Variants in CHRM3 observed in about 807,000 individuals in gnomAD.
CHRM3 encodes cholinergic receptor muscarinic 3.
CHRM3 carries 11 observed loss-of-function variants against 41.8 expected under a neutral mutation model. The ratio of observed to expected loss-of-function variants is 0.26; its 90% CI spans 0.17 to 0.44. CHRM3 has a LOEUF of 0.44. Ranked by LOEUF, CHRM3 falls within the 20% of genes least tolerant of loss-of-function variation. The pLI is 1.00. For missense variants in CHRM3, 571 were observed against 745.4 expected, an observed-to-expected ratio of 0.77 and a Z score of 2.72; for synonymous variants, 297 against 301.4, an observed-to-expected ratio of 0.99 and a Z score of 0.15.
intron 5 of CHRM3, among the ~76,000 whole-genome samples, chr1:239,713,393 T>G (rs1662010185): frequency 6.6e-6 from 1 of 152,166 alleles, no homozygotes; most frequent in Admixed American, 6.5e-5. Flanking sequence ...ATCACAATTG[T>G]GCCTGGCCCA....
intron 3 of CHRM3, among the ~76,000 whole-genome samples, chr1:239,597,858 G>GTT (rs35067421): frequency 0.011 from 1,373 of 120,852 alleles, 39 homozygotes; most frequent in African/African-American, 0.035. Flanking sequence ...AACTGTCAGA[G>GTT]TTTTTTTTTT....
At chr1:239,740,672 ATG>A (rs1664768229) in intron 5 of CHRM3, among the ~76,000 whole-genome samples, 1 of 152,010 alleles carries the variant, frequency 6.6e-6, no homozygotes, top group Non-Finnish European at 1.5e-5. Context: ...CCCTGTGTCC[ATG>A]TGTTCAAAGA....
chr1:239,790,446 G>A (rs999611835), intron 5 of CHRM3, among the ~76,000 whole-genome samples: 4 of 152,162 alleles, frequency 2.6e-5, no homozygotes, highest in Non-Finnish European at 4.4e-5. Context: ...CATGAGATCT[G>A]ATGGTTTTAT....
chr1:239,720,315 C>T (rs1479873712), intron 5 of CHRM3: 1 of 151,804 alleles, frequency 6.6e-6, no homozygotes. Flanking sequence ...AGTTTCTTTG[C>T]ATATATTGTT....
At chr1:239,687,654 C>T (rs1348727221) in intron 5 of CHRM3, among the ~76,000 whole-genome samples, 2 of 152,094 alleles carry the variant, frequency 1.3e-5, no homozygotes, top group African/African-American at 2.4e-5. Context: ...CACATAGCCA[C>T]GTGCTGCATA....
At chr1:239,473,004 G>T (rs1666229700) in intron 1 of CHRM3, among the ~76,000 whole-genome samples, 1 of 152,050 alleles carries the variant, frequency 6.6e-6, no homozygotes. Context: ...AAGAAATCTT[G>T]ATGTGTGACA....
intron 6 of CHRM3, among the ~76,000 whole-genome samples, chr1:239,882,678 A>T (rs599855): frequency 0.53 from 79,912 of 152,080 alleles, 21,790 homozygotes; most frequent in East Asian, 0.64. Flanking sequence ...CTATACTAAA[A>T]TTGAAGGAAA....
At position 239,612,873 on chromosome 1, in the gene CHRM3, G is replaced by A. The variant is rs534953638; in HGVS notation, c.-312-19351G>A. On this transcript the variant is annotated intron_variant, in intron 3 of 6. Transcript: ENST00000676153. ...ACTACCACTGCTGGTTTGCTAATGG[G>A]GCCATCTTGAGGAAGCTCCTTAAAT... Among the ~76,000 whole-genome samples the A allele has an allele frequency of 7.2e-5, 11 of 152,140 alleles. No individual in the cohort carries two copies. The South Asian group carries it at 2.1e-3, about 29-fold the overall frequency.
At chr1:239,848,137 G>A (rs1674422157) in intron 6 of CHRM3, among the ~76,000 whole-genome samples, 1 of 152,000 alleles carries the variant, frequency 6.6e-6, no homozygotes, top group Non-Finnish European at 1.5e-5. Flanking sequence ...TTCATCCATG[G>A]CTAAGGAGAC....
intron 3 of CHRM3, among the ~76,000 whole-genome samples, chr1:239,605,813 AG>A (rs1666174046): frequency 6.6e-6 from 1 of 152,346 alleles, no homozygotes; most frequent in South Asian, 2.1e-4. Flanking sequence ...GTGGTAATGA[AG>A]GTTTTTCATT....
intron 5 of CHRM3, among the ~76,000 whole-genome samples, chr1:239,710,775 G>A (rs1009794506): frequency 1.3e-5 from 2 of 150,838 alleles, no homozygotes; most frequent in Non-Finnish European, 3.0e-5. Flanking sequence ...TAGGCTTTAA[G>A]GCCTTAATAA....
chr1:239,742,387 A>T (rs1315059396), intron 5 of CHRM3, among the ~76,000 whole-genome samples: 1 of 152,162 alleles, frequency 6.6e-6, no homozygotes, highest in Non-Finnish European at 1.5e-5. Flanking sequence ...TGGAGGTTCA[A>T]CCGGAGCCAG....
intron 6 of CHRM3, among the ~76,000 whole-genome samples, chr1:239,847,460 G>GT (rs1674360659): frequency 1.3e-5 from 2 of 151,934 alleles, no homozygotes; most frequent in South Asian, 2.1e-4. Context: ...GCCTTAGTTT[G>GT]TTTTTTTCTA....
At chr1:239,859,750 A>G (rs1485632127) in intron 6 of CHRM3, among the ~76,000 whole-genome samples, 1 of 149,078 alleles carries the variant, frequency 6.7e-6, no homozygotes, top group Admixed American at 6.8e-5. Flanking sequence ...ATTGAAAAAT[A>G]AGTTGTATTT....
At position 239,431,630 on chromosome 1, in the gene CHRM3, T is replaced by C. The variant is rs377152888; in HGVS notation, c.-521+44403T>C. Reference sequence around the variant, plus strand: ...ATGCTGTGTATTTCACAGTCGAAGATAGTTAACATTTTGAGTGTGCAAAGA... The same window carrying C: ...ATGCTGTGTATTTCACAGTCGAAGACAGTTAACATTTTGAGTGTGCAAAGA... On this transcript the variant is annotated intron_variant, in intron 1 of 6. Transcript: ENST00000676153. Among the ~76,000 whole-genome samples the C allele has an allele frequency of 3.9e-4, 60 of 152,332 alleles. 1 individual carries two copies. The highest frequency in any genetic ancestry group is 1.3e-3 in the African/African-American group (53 of 41,572).
rs147084141 is a variant in CHRM3 at position 239,891,103 on chromosome 1, A to G, written c.-19-16330A>G. On this transcript the variant is annotated intron_variant, in intron 6 of 6. Coordinates refer to ENST00000676153, the MANE Select transcript of CHRM3 (RefSeq NM_001375978.1). The stretch of plus-strand genomic sequence containing the variant: ...TTGTCTACTTACTGCCTGTATATGC[A>G]TATGTGCCCCTTTCTTGTCCTCAGG... Among the ~76,000 whole-genome samples the G allele has an allele frequency of 7.8e-3, 1,183 of 152,280 alleles. 10 individuals are homozygous for G. The highest frequency in any genetic ancestry group is 0.026 in the African/African-American group (1,090 of 41,550).
At chr1:239,870,153 A>G (rs1676451830) in intron 6 of CHRM3, among the ~76,000 whole-genome samples, 1 of 152,200 alleles carries the variant, frequency 6.6e-6, no homozygotes, top group Admixed American at 6.5e-5. Context: ...GTCTCTGCAC[A>G]CAAGGAGTTT....
At chr1:239,585,392 G>A (rs1239617872) in intron 3 of CHRM3, among the ~76,000 whole-genome samples, 3 of 152,086 alleles carry the variant, frequency 2.0e-5, no homozygotes, top group Non-Finnish European at 4.4e-5. Context: ...TTGAGCAGTT[G>A]TATCTAAGAT....
At chr1:239,653,422 CG>C (rs1320994887) in intron 4 of CHRM3, among the ~76,000 whole-genome samples, 1 of 152,004 alleles carries the variant, frequency 6.6e-6, no homozygotes, top group Non-Finnish European at 1.5e-5. Context: ...GAGACGGAAA[CG>C]GAAGTACCAA....
Sources: gnomAD v4.1 joint callset for allele counts (sites outside exome capture counted in the v4.1 genomes callset) on GRCh38, gnomAD v4.1.1 for gene constraint, MANE v1.5 for transcripts, NCBI Gene and HGNC (gene_info 2026-07-23, HGNC 2026-07-21) for gene names.